Variants in NAALADL2 observed in about 807,000 individuals in gnomAD.
The protein encoded by NAALADL2 is inactive N-acetylated-alpha-linked acidic dipeptidase-like protein 2.
Under a neutral mutation model 87.2 loss-of-function variants are expected in NAALADL2, and 76 were observed. The ratio of observed to expected loss-of-function variants is 0.87; its 90% CI spans 0.72 to 1.05. The LOEUF (loss-of-function observed/expected upper bound fraction) is 1.05, where lower values mean the gene tolerates loss of function less well. Ranked by LOEUF, NAALADL2 falls within the 50% of genes least tolerant of loss-of-function variation. The pLI is 0.00. For synonymous variants in NAALADL2, 354 were observed against 331.0 expected (o/e 1.07, Z -0.75); for missense variants, 1,089 against 945.8 (o/e 1.15, Z -1.99).
intron 2 of NAALADL2, among the ~76,000 whole-genome samples, chr3:175,132,914 C>T (rs34298311): frequency 6.6e-6 from 1 of 151,334 alleles, no homozygotes; most frequent in South Asian, 2.1e-4. Flanking sequence ...CGGAGGGACT[C>T]CTCACTTCTC....
chr3:174,642,092 C>T (rs1355855201), intron 2 of NAALADL2, among the ~76,000 whole-genome samples: 2 of 152,058 alleles, frequency 1.3e-5, no homozygotes, highest in East Asian at 1.9e-4. Context: ...GGACATGGCC[C>T]TTAATATTCA....
intron 2 of NAALADL2, among the ~76,000 whole-genome samples, chr3:175,177,956 AAC>A (rs1735931640): frequency 6.7e-6 from 1 of 149,528 alleles, no homozygotes; most frequent in African/African-American, 2.5e-5. Flanking sequence ...ATACATTGAA[AAC>A]TATATTGAAA....
chr3:175,194,360 A>G (rs1203347105), intron 2 of NAALADL2, among the ~76,000 whole-genome samples: 2 of 151,816 alleles, frequency 1.3e-5, no homozygotes, highest in Non-Finnish European at 3.0e-5. Context: ...GCTGTTGCTC[A>G]CCTCATCCCT....
chr3:175,490,215 G>C (rs970681672), intron 9 of NAALADL2, among the ~76,000 whole-genome samples: 3 of 152,098 alleles, frequency 2.0e-5, no homozygotes, highest in Admixed American at 1.3e-4. Flanking sequence ...ATGGTGTGAA[G>C]ATAGGTCAGA....
Position 175,073,142 on chromosome 3 carries a change from TG to T in NAALADL2, c.44-23647del, listed in dbSNP as rs552423838. Among the ~76,000 whole-genome samples the T allele has an allele frequency of 2.4e-4, 36 of 152,056 alleles. No individual in the cohort carries two copies. In the South Asian group the frequency reaches 7.2e-3, roughly 31 times the overall value. ...ATCATTAAATAATTTTTAGGCCAAA[TG>T]TATAAATTGAATACCACAATTGCCT... is the stretch of plus-strand genomic sequence containing the variant. On this transcript the variant is annotated intron_variant, in intron 1 of 13. Coordinates refer to ENST00000454872, the MANE Select transcript of NAALADL2 (RefSeq NM_207015.3).
At chr3:175,385,027 C>G (rs1768210279) in intron 5 of NAALADL2, among the ~76,000 whole-genome samples, 1 of 151,990 alleles carries the variant, frequency 6.6e-6, no homozygotes, top group Non-Finnish European at 1.5e-5. Flanking sequence ...CCCACCAACT[C>G]AACATCTATA....
chr3:174,644,597 A>C (rs1022740697), intron 2 of NAALADL2, among the ~76,000 whole-genome samples: 1 of 152,012 alleles, frequency 6.6e-6, no homozygotes, highest in African/African-American at 2.4e-5. Flanking sequence ...GTTGTTCAAG[A>C]GTCAACTGTA....
At chr3:174,560,294 A>T (rs1319544257) in intron 2 of NAALADL2, among the ~76,000 whole-genome samples, 1 of 152,246 alleles carries the variant, frequency 6.6e-6, no homozygotes, top group Admixed American at 6.5e-5. Flanking sequence ...CATGGACTGC[A>T]TAGCCTTAAT....
intron 2 of NAALADL2, among the ~76,000 whole-genome samples, chr3:174,611,451 A>AT (rs936076118): frequency 1.3e-5 from 2 of 151,852 alleles, no homozygotes; most frequent in African/African-American, 4.8e-5. Context: ...AAAGTTGTCC[A>AT]TTTTTTGATT....
chr3:174,549,742 G>A (rs569751850), intron 1 of NAALADL2, among the ~76,000 whole-genome samples: 6 of 152,232 alleles, frequency 3.9e-5, no homozygotes, highest in Middle Eastern at 3.4e-3. Flanking sequence ...TGACAACCGG[G>A]ATTAGAATAG....
chr3:174,829,748 C>G (rs1722439403), intron 3 of NAALADL2, among the ~76,000 whole-genome samples: 1 of 142,734 alleles, frequency 7.0e-6, no homozygotes, highest in African/African-American at 2.7e-5. Flanking sequence ...TAGAAGTGTT[C>G]CTATTTCTCC....
chr3:175,777,948 A>G (rs1750481991), intron 13 of NAALADL2, among the ~76,000 whole-genome samples: 1 of 152,156 alleles, frequency 6.6e-6, no homozygotes, highest in South Asian at 2.1e-4. Context: ...TTCAAGACAC[A>G]TTTTCTCTAA....
At chr3:174,592,973 G>A (rs779412895) in intron 2 of NAALADL2, among the ~76,000 whole-genome samples, 2 of 152,014 alleles carry the variant, frequency 1.3e-5, no homozygotes, top group Non-Finnish European at 2.9e-5. Context: ...GAGAGAGTGA[G>A]AAAGAGACAG....
intron 3 of NAALADL2, among the ~76,000 whole-genome samples, chr3:174,846,271 G>T (rs1724605169): frequency 6.6e-6 from 1 of 152,148 alleles, no homozygotes. Flanking sequence ...GGTTTCTGTG[G>T]TCCAGAGGTA....
At chr3:175,730,395 GATATATAT>G (rs5854656) in intron 11 of NAALADL2, among the ~76,000 whole-genome samples, 6,261 of 55,442 alleles carry the variant, frequency 0.11, 311 homozygotes, top group East Asian at 0.13. Context: ...ACTTAATACA[GATATATAT>G]ATATATATAT....
chr3:174,990,845 C>T (rs1163905443), intron 1 of NAALADL2, among the ~76,000 whole-genome samples: 1 of 152,070 alleles, frequency 6.6e-6, no homozygotes, highest in Non-Finnish European at 1.5e-5. Context: ...ACCGAGGTAT[C>T]AGTATTGTTG....
At chr3:175,205,175 A>G (rs1266712063) in intron 2 of NAALADL2, among the ~76,000 whole-genome samples, 1 of 152,126 alleles carries the variant, frequency 6.6e-6, no homozygotes, top group East Asian at 1.9e-4. Flanking sequence ...GAACAAATCT[A>G]GAGGCATCAC....
At position 174,926,386 on chromosome 3, in the gene NAALADL2, C is replaced by A. The variant is rs567120378; in HGVS notation, c.43+66936C>A. 5.3e-5 allele frequency among the ~76,000 whole-genome samples: 8 copies of A among 152,164 alleles called. No individual in the cohort carries two copies. The East Asian group carries it at 1.6e-3, about 29-fold the overall frequency. ...CAAAGATACTCCTCGAGAAGAGCAA[C>A]TCCAAGACACATAATTATCAGATTC... On this transcript the variant is annotated intron_variant, in intron 1 of 13. Transcript: ENST00000454872.
chr3:175,565,655 T>C lies in NAALADL2; in HGVS notation c.1654-10386T>C, dbSNP rs544341676. On this transcript the variant is annotated intron_variant, in intron 9 of 13. Coordinates refer to ENST00000454872, the MANE Select transcript of NAALADL2 (RefSeq NM_207015.3). ...AAGTGGCAATTTCTCTTATCTGTTC[T>C]CTCCCCAGTGATATATGCATTTTTG... is the stretch of plus-strand genomic sequence containing the variant. Among the ~76,000 whole-genome samples the C allele has an allele frequency of 2.0e-5, 3 of 152,068 alleles. No homozygotes were observed. The East Asian group carries it at 5.8e-4, about 29-fold the overall frequency.
Sources: allele counts gnomAD v4.1 joint callset (sites outside exome capture counted in the v4.1 genomes callset), GRCh38; gene constraint gnomAD v4.1.1; transcripts MANE v1.5; gene names NCBI Gene and HGNC (gene_info 2026-07-23, HGNC 2026-07-21).